The following TNRC18 variants were observed in gnomAD, a reference collection of about 807,000 sequenced individuals.
The protein encoded by TNRC18 is trinucleotide repeat containing 18.
In TNRC18, 69 loss-of-function variants were observed where a neutral mutation model predicts 226.7. The observed-to-expected ratio is 0.30, with a 90% CI of 0.25 to 0.37. TNRC18 has a LOEUF of 0.37. Among genes scored for constraint, TNRC18 ranks in the 10% least tolerant of loss-of-function variants. TNRC18 has a pLI of 1.00. For missense variants in TNRC18, 4,754 were observed against 4,256.6 expected (o/e 1.12, Z -3.25); for synonymous variants, 2,449 against 1,927.6 (o/e 1.27, Z -7.09).
At chr7:5,415,362 T>C (rs1782112542) in intron 2 of TNRC18, among the ~76,000 whole-genome samples, 1 of 147,646 alleles carries the variant, frequency 6.8e-6, no homozygotes, top group Non-Finnish European at 1.5e-5. Context: ...GCGTGGTCTG[T>C]GTCCCTCTTT....
intron 2 of TNRC18, among the ~76,000 whole-genome samples, chr7:5,413,935 C>T (rs986096852): frequency 1.3e-5 from 2 of 152,158 alleles, no homozygotes; most frequent in Non-Finnish European, 2.9e-5. Context: ...GATCCAACAA[C>T]TGTGAACTGC....
intron 2 of TNRC18, among the ~76,000 whole-genome samples, chr7:5,418,199 C>A (rs1157408427): frequency 6.6e-6 from 1 of 152,222 alleles, no homozygotes; most frequent in Non-Finnish European, 1.5e-5. Flanking sequence ...CAGAGCCAAG[C>A]CCCAGGTGTT....
At chr7:5,367,034 T>C (rs565388024) in intron 11 of TNRC18, among the ~76,000 whole-genome samples, 7 of 152,240 alleles carry the variant, frequency 4.6e-5, no homozygotes, top group African/African-American at 1.4e-4. Context: ...GTCATGACAG[T>C]GGGCCTTCAT....
chr7:5,365,801 G>A (rs1793556526), intron 11 of TNRC18, among the ~76,000 whole-genome samples: 1 of 151,958 alleles, frequency 6.6e-6, no homozygotes, highest in Admixed American at 6.5e-5. Context: ...TGGGTGTGGT[G>A]GCTCACGTCT....
At position 5,389,058 on chromosome 7, in the gene TNRC18, G is replaced by A; in HGVS notation, c.766C>T (p.Pro256Ser). The change falls in exon 5 of 30, where the codon CCG becomes TCG. Residue 256 changes from proline (P) to serine (S), a missense_variant. Physicochemically the swap from Pro to Ser is moderately conservative, Grantham distance 74. Coordinates refer to ENST00000430969, the MANE Select transcript of TNRC18 (RefSeq NM_001080495.3). The stretch of plus-strand genomic sequence containing the variant: ...GGCGACAGGCGCTCAGCCAGGCGCG[G>A]GGGCCCCCGGTCCTGGCGGCCCTCG... ...RAEGRQDRGP[P>S]RLAERLSPFL... is the part of the protein sequence containing the mutation. The A allele has an allele frequency of 7.8e-7, 1 of 1,285,274 alleles. No homozygotes were observed. The highest frequency in any genetic ancestry group is 9.9e-7 in the Non-Finnish European group (1 of 1,007,744). 79.6% of individuals were successfully genotyped at this position (1,285,274 alleles called of 1,614,324 possible).
At chr7:5,376,284 TAC>T in intron 8 of TNRC18, 60 bp from the exon 9 acceptor site, 1 of 1,346,074 alleles carries the variant, frequency 7.4e-7, no homozygotes, top group Non-Finnish European at 9.8e-7. Flanking sequence ...CCATGCCCAT[TAC>T]GAGGGGAAGC....
At chr7:5,334,246 C>T (rs1338133120) in intron 18 of TNRC18, among the ~76,000 whole-genome samples, 2 of 152,262 alleles carry the variant, frequency 1.3e-5, no homozygotes, top group Non-Finnish European at 2.9e-5. Context: ...CTGGCGGGGG[C>T]TGCCCAGTGG....
intron 11 of TNRC18, among the ~76,000 whole-genome samples, chr7:5,369,193 C>A (rs1305926699): frequency 6.6e-6 from 1 of 152,032 alleles, no homozygotes; most frequent in Non-Finnish European, 1.5e-5. Flanking sequence ...ACTAAAAATA[C>A]AACAATTAGC....
rs777238728 is a variant in TNRC18 at position 5,377,484 on chromosome 7, G to A, written c.2348C>T (p.Pro783Leu). 7.6e-6 allele frequency: 12 copies of A among 1,582,086 alleles called. No individual in the cohort carries two copies. The highest frequency in any genetic ancestry group is 5.4e-5 in the African/African-American group (4 of 74,280). Reference protein sequence around the residue: ...LNPNLMVTGGPALAGSGRWSA... With the variant: ...LNPNLMVTGGLALAGSGRWSA... ...CCAGCGACCTGAGCCCGCCAGCGCC[G>A]GGCCCCCCGTCACCATGAGGTTGGG... The change falls in exon 7 of 30, where the codon CCG (proline) becomes CTG (leucine). Residue 783 changes from proline to leucine, a missense_variant. Physicochemically the swap from Pro to Leu is moderately conservative, Grantham distance 98. Coordinates refer to ENST00000430969, the MANE Select transcript of TNRC18 (RefSeq NM_001080495.3). The surrounding 1 kb of genome is among the most constrained non-coding windows in gnomAD (Gnocchi z 5.8).
chr7:5,362,164 C>T, intron 12 of TNRC18, 131 bp from the exon 13 acceptor site: 1 of 1,111,940 alleles, frequency 9.0e-7, no homozygotes, highest in Non-Finnish European at 1.3e-6. Context: ...CCACCGCTGC[C>T]ACCTCCTGAC....
chr7:5,376,289 G>A (rs1002094582), intron 8 of TNRC18, 65 bp from the exon 9 acceptor site: 7 of 1,341,860 alleles, frequency 5.2e-6, no homozygotes, highest in Non-Finnish European at 5.9e-6. Flanking sequence ...CCCATTACGA[G>A]GGGAAGCTGA....
At chr7:5,420,997 G>T in intron 2 of TNRC18, 63 bp downstream of exon 2, 1 of 1,539,400 alleles carries the variant, frequency 6.5e-7, no homozygotes, top group South Asian at 1.2e-5. Context: ...TGCACAGGAG[G>T]ACCCGGCCGA....
rs551207634 is a variant in TNRC18 at position 5,409,037 on chromosome 7, G to A, written c.187+12023C>T. Among the ~76,000 whole-genome samples the A allele has an allele frequency of 3.9e-5, 6 of 152,254 alleles. No individual in the cohort carries two copies. In the South Asian group the frequency reaches 6.2e-4, roughly 16 times the overall value. ...CTTCAACGTCAACAGACAAGAAACC[G>A]CTGAATTCTTGCCTGTGAGATATAC... On this transcript the variant is annotated intron_variant, in intron 2 of 29. Coordinates refer to ENST00000430969, the MANE Select transcript of TNRC18 (RefSeq NM_001080495.3).
At chr7:5,380,153 G>A (rs1415420499) in intron 5 of TNRC18, among the ~76,000 whole-genome samples, 1 of 152,066 alleles carries the variant, frequency 6.6e-6, no homozygotes, top group East Asian at 1.9e-4. Flanking sequence ...CTCCTAATAA[G>A]CAGCACCCCA....
intron 22 of TNRC18, 63 bp from the exon 23 acceptor site, chr7:5,320,670 C>A (rs1391569567): frequency 2.8e-6 from 4 of 1,428,018 alleles, no homozygotes; most frequent in Admixed American, 1.8e-5. Context: ...GCCTCAATCC[C>A]ACCAGCACAG....
At chr7:5,403,045 C>A (rs558549785) in intron 2 of TNRC18, among the ~76,000 whole-genome samples, 13 of 152,138 alleles carry the variant, frequency 8.5e-5, no homozygotes, top group African/African-American at 3.1e-4. Context: ...CACTCCCAAA[C>A]CTACACTTCT....
intron 2 of TNRC18, among the ~76,000 whole-genome samples, chr7:5,408,553 G>C (rs762631179): frequency 6.6e-6 from 1 of 151,594 alleles, no homozygotes; most frequent in Non-Finnish European, 1.5e-5. Flanking sequence ...CAGGAGAATC[G>C]CTTGAACCTA....
At chr7:5,329,414 T>G (rs1038396176) in intron 19 of TNRC18, among the ~76,000 whole-genome samples, 2 of 151,578 alleles carry the variant, frequency 1.3e-5, no homozygotes, top group Non-Finnish European at 2.9e-5. Flanking sequence ...CCAGGAGCGG[T>G]GGCCCACAAC....
chr7:5,385,082 C>A (rs1779662616), intron 5 of TNRC18, among the ~76,000 whole-genome samples: 1 of 152,210 alleles, frequency 6.6e-6, no homozygotes, highest in Non-Finnish European at 1.5e-5. Flanking sequence ...GAGGTGAAGG[C>A]ACAGAGGATG....
Sources: gnomAD v4.1 joint callset for allele counts (sites outside exome capture counted in the v4.1 genomes callset) on GRCh38, gnomAD v4.1.1 for gene constraint, Gnocchi (gnomAD v3.1) non-coding constraint, MANE v1.5 for transcripts, NCBI Gene and HGNC (gene_info 2026-07-23, HGNC 2026-07-21) for gene names.